The following MYBL2 variants were observed in gnomAD, a reference collection of about 807,000 sequenced individuals.
The protein encoded by MYBL2 is MYB proto-oncogene like 2, also known as myb-related protein B.
MYBL2 carries 28 observed loss-of-function variants against 79.9 expected under a neutral mutation model. The observed-to-expected ratio is 0.35, with a 90% CI of 0.26 to 0.48. The LOEUF (loss-of-function observed/expected upper bound fraction) is 0.48, where lower values mean the gene tolerates loss of function less well. Among genes scored for constraint, MYBL2 ranks in the 20% least tolerant of loss-of-function variants. The probability of loss-of-function intolerance (pLI) is 0.99; values close to 1 mark genes in which losing one functional copy is unlikely to be tolerated. For synonymous variants in MYBL2, 378 were observed against 361.2 expected, an observed-to-expected ratio of 1.05 and a Z score of -0.53; for missense variants, 735 against 893.9, an observed-to-expected ratio of 0.82 and a Z score of 2.27.
At position 43,716,076 on chromosome 20, in the gene MYBL2, A is replaced by T. The variant is rs371587921; in HGVS notation, c.2092A>T (p.Ile698Phe). The change falls in exon 14 of 14, where the codon ATC (isoleucine) becomes TTC (phenylalanine). Residue 698 changes from isoleucine to phenylalanine, a missense_variant. Physicochemically the swap from Ile to Phe is conservative, Grantham distance 21. Coordinates refer to ENST00000217026, the MANE Select transcript of MYBL2 (RefSeq NM_002466.4). ...GCCCAGCCACACATCTCGGACCCTC[A>T]TCTTGTCCTGAGGTGTTGAGGGTGT... ...LKPSHTSRTL[I>F]LS 32 of 1,607,226 alleles carry T rather than the reference A, an allele frequency of 2.0e-5. No homozygotes were observed. The highest frequency in any genetic ancestry group is 2.7e-5 in the African/African-American group (2 of 74,804).
At chr20:43,680,452 G>A (rs911994459) in intron 2 of MYBL2, among the ~76,000 whole-genome samples, 3 of 152,116 alleles carry the variant, frequency 2.0e-5, no homozygotes, top group Non-Finnish European at 4.4e-5. Context: ...GAATTCTCTC[G>A]ACTGAGTAAT....
chr20:43,704,653 C>G (rs6017147), intron 8 of MYBL2, among the ~76,000 whole-genome samples: 11,425 of 152,234 alleles, frequency 0.075, 815 homozygotes, highest in African/African-American at 0.19. Flanking sequence ...ATCTAGATTT[C>G]ATTCTCACTT....
chr20:43,686,714 G>C, intron 4 of MYBL2, 138 bp from the exon 5 acceptor site: 1 of 797,426 alleles, frequency 1.3e-6, no homozygotes, highest in Non-Finnish European at 2.0e-6. Flanking sequence ...ATCCCCTGCA[G>C]CTCGCTCAGT....
intron 1 of MYBL2, among the ~76,000 whole-genome samples, chr20:43,671,463 A>ATTTTTTTTTTTTT (rs376522569): frequency 1.4e-5 from 1 of 70,882 alleles, no homozygotes; most frequent in Non-Finnish European, 2.6e-5. Flanking sequence ...GCTGATTTCC[A>ATTTTTTTTTTTTT]TTTTTTTTTT....
chr20:43,711,789 C>A (rs1180800449), intron 11 of MYBL2, among the ~76,000 whole-genome samples, 188 bp downstream of exon 11: 1 of 152,146 alleles, frequency 6.6e-6, no homozygotes, highest in East Asian at 1.9e-4. Context: ...TCTCTGGGAC[C>A]CTCCTCTGCT....
At chr20:43,667,350 C>A in intron 1 of MYBL2, 47 bp downstream of exon 1, 1 of 1,187,692 alleles carries the variant, frequency 8.4e-7, no homozygotes. Context: ...CCCTTTAACT[C>A]ACCCCTCCCC....
At position 43,702,756 on chromosome 20, in the gene MYBL2, G is replaced by T; in HGVS notation, c.1218G>T (p.Pro406=). ...TCGGGGGCTCTGGCATTGGCACACC[G>T]CCCTCTGTGCTCAAGCGGCAGAGGA... is the stretch of plus-strand genomic sequence containing the variant. ...TEVGGSGIGT[P]PSVLKRQRKR... is the part of the protein sequence containing the mutation. The change falls in exon 8 of 14, where the codon CCG becomes CCT. Residue 406 remains proline, a synonymous_variant. Coordinates refer to ENST00000217026, the MANE Select transcript of MYBL2 (RefSeq NM_002466.4). 6.2e-7 allele frequency: 1 copy of T among 1,614,136 alleles called. No homozygotes were observed. The highest frequency in any genetic ancestry group is 8.5e-7 in the Non-Finnish European group (1 of 1,180,022).
At chr20:43,713,200 T>TGCAGAGCCCA in intron 12 of MYBL2, 94 bp downstream of exon 12, 1 of 625,722 alleles carries the variant, frequency 1.6e-6, no homozygotes, top group Non-Finnish European at 2.6e-6. Context: ...TCTGGAACCC[T>TGCAGAGCCCA]GGGCTCTGCA....
At chr20:43,689,535 C>T (rs1367362009) in intron 5 of MYBL2, among the ~76,000 whole-genome samples, 47 of 152,168 alleles carry the variant, frequency 3.1e-4, no homozygotes, top group Non-Finnish European at 2.9e-5. Flanking sequence ...GCAGTGCACT[C>T]CCGCTTGTGC....
In MYBL2 at chr20:43,708,579, C is replaced by T. The variant is rs1228579548; in HGVS notation, c.1506-1384C>T. On this transcript the variant is annotated intron_variant, in intron 9 of 13. Transcript: ENST00000217026. Reference sequence around the variant, plus strand: ...TCTGGAGTAGTTGGGACTACAAGCACCACCATGGCTGGCTGATTTTTTTAT... The same window carrying T: ...TCTGGAGTAGTTGGGACTACAAGCATCACCATGGCTGGCTGATTTTTTTAT... 2.0e-5 allele frequency among the ~76,000 whole-genome samples: 3 copies of T among 152,114 alleles called. No individual in the cohort carries two copies. In the East Asian group the frequency reaches 5.8e-4, roughly 29 times the overall value.
chr20:43,682,308 C>T (rs1600546863), intron 3 of MYBL2, among the ~76,000 whole-genome samples: 1 of 152,128 alleles, frequency 6.6e-6, no homozygotes, highest in South Asian at 2.1e-4. Context: ...ACCTCCTTCT[C>T]AGGCCCTCCC....
chr20:43,697,337 C>T (rs1987567772), intron 6 of MYBL2, among the ~76,000 whole-genome samples: 1 of 151,896 alleles, frequency 6.6e-6, no homozygotes, highest in Admixed American at 6.6e-5. Flanking sequence ...TGACCAGGGG[C>T]GGTGGCTCAT....
chr20:43,670,139 G>C (rs879742937), intron 1 of MYBL2, among the ~76,000 whole-genome samples: 7 of 152,146 alleles, frequency 4.6e-5, no homozygotes, highest in Non-Finnish European at 1.0e-4. Context: ...CAGCATTGGA[G>C]CACCAGGGAG....
In MYBL2 at chr20:43,687,000, A is replaced by G. The variant is rs1482920142; in HGVS notation, c.428A>G (p.Asp143Gly). 1.2e-6 allele frequency: 2 copies of G among 1,613,898 alleles called. No homozygotes were observed. Among genetic ancestry groups the G allele is most frequent in the Admixed American group, 3.3e-5 (2 of 59,998 alleles). The part of the protein sequence containing the change: ...VKKSCWTEEE[D>G]RIICEAHKVL... ...AAGTCTTGCTGGACCGAGGAGGAGG[A>G]CCGCATCATCTGCGAGGCCCACAAG... Residue 143 changes from aspartate to glycine, a missense_variant, in exon 5 of 14, where the codon GAC becomes GGC. By Grantham distance (94) the Asp-to-Gly change is moderately conservative. Around this residue, in one of 5 missense-constraint regions of MYBL2, gnomAD observed 65 missense variants for 145.2 expected, o/e 0.45. Transcript: ENST00000217026.
At chr20:43,683,784 G>C (rs1268872553) in intron 4 of MYBL2, among the ~76,000 whole-genome samples, 1 of 151,848 alleles carries the variant, frequency 6.6e-6, no homozygotes, top group East Asian at 1.9e-4. Flanking sequence ...TTGAACTCCT[G>C]ACCTCGTGAT....
In MYBL2 at chr20:43,699,795, C is replaced by T. The variant is rs777248955; in HGVS notation, c.702C>T (p.Thr234=). 1 of 1,614,120 alleles carries T rather than the reference C, an allele frequency of 6.2e-7. No homozygotes were observed. The highest frequency in any genetic ancestry group is 8.5e-7 in the Non-Finnish European group (1 of 1,180,032). Residue 234 remains threonine (T), a synonymous_variant, in exon 7 of 14, where the codon ACC becomes ACT. Transcript: ENST00000217026. The part of the protein sequence containing the change: ...LLTNWPSVPP[T]IKEEENSEEE... ...CCAACTGGCCCTCCGTCCCTCCTAC[C>T]ATAAAGGAGGAGGAAAACAGTGAGG...
At chr20:43,675,868 G>T (rs1324206373) in intron 2 of MYBL2, among the ~76,000 whole-genome samples, 1 of 149,400 alleles carries the variant, frequency 6.7e-6, no homozygotes, top group African/African-American at 2.5e-5. Context: ...TGATGTACAG[G>T]TTATTTTGTT....
At chr20:43,707,068 T>G (rs1313614922) in intron 9 of MYBL2, among the ~76,000 whole-genome samples, 1 of 151,680 alleles carries the variant, frequency 6.6e-6, no homozygotes, top group African/African-American at 2.4e-5. Flanking sequence ...TAGTCCCAGC[T>G]ACTCGGGAGG....
At chr20:43,699,143 A>G (rs1212104468) in intron 6 of MYBL2, among the ~76,000 whole-genome samples, 2 of 152,034 alleles carry the variant, frequency 1.3e-5, no homozygotes, top group African/African-American at 2.4e-5. Context: ...GGTTCAAGCA[A>G]TTCTCCTGCC....
Sources: gnomAD v4.1 joint callset for allele counts (sites outside exome capture counted in the v4.1 genomes callset) on GRCh38, gnomAD v4.1.1 for gene constraint, gnomAD v4.1.1 regional missense constraint, MANE v1.5 for transcripts, NCBI Gene and HGNC (gene_info 2026-07-23, HGNC 2026-07-21) for gene names.